The following ST3GAL3 variants were observed in gnomAD, a reference collection of about 807,000 sequenced individuals.
The protein encoded by ST3GAL3 is ST3 beta-galactoside alpha-2,3-sialyltransferase 3, also known as CMP-N-acetylneuraminate-beta-1,4-galactoside alpha-2,3-sialyltransferase.
A neutral mutation model predicts 50.1 loss-of-function variants in ST3GAL3; 21 were observed. The ratio of observed to expected loss-of-function variants is 0.42; its 90% CI spans 0.30 to 0.60. The LOEUF (loss-of-function observed/expected upper bound fraction) is 0.60, where lower values mean the gene tolerates loss of function less well. Ranked by LOEUF, ST3GAL3 falls within the 20% of genes least tolerant of loss-of-function variation. ST3GAL3 has a pLI of 0.19. For synonymous variants in ST3GAL3, 183 were observed against 190.0 expected (o/e 0.96, Z 0.30); for missense variants, 353 against 489.4 (o/e 0.72, Z 2.63).
chr1:43,918,001 CTTAAAA>C (rs2082359322), intron 9 of ST3GAL3, among the ~76,000 whole-genome samples: 1 of 151,066 alleles, frequency 6.6e-6, no homozygotes, highest in South Asian at 2.1e-4. Context: ...TGCCAAAGCA[CTTAAAA>C]ATGTTTATGA....
chr1:43,920,545 C>A lies in ST3GAL3; in HGVS notation c.886C>A (p.Arg296=). Residue 296 remains arginine (R), a synonymous_variant, in exon 10 of 12, where the codon CGG becomes AGG. Coordinates refer to ENST00000347631, the MANE Select transcript of ST3GAL3 (RefSeq NM_006279.5). ...GLPFNNGLMG[R]GNIPTLGSVA... ...GCCCTTCAACAATGGCCTCATGGGC[C>A]GGGGGGTGAGATATCTGGGCCCTGG... 2 of 1,606,600 alleles carry A rather than the reference C, an allele frequency of 1.2e-6. No individual in the cohort carries two copies. The highest frequency in any genetic ancestry group is 1.7e-6 in the Non-Finnish European group (2 of 1,175,478).
chr1:43,817,650 CCTCCTTCTCCTT>C (rs1182284541), intron 4 of ST3GAL3, among the ~76,000 whole-genome samples: 1 of 104,278 alleles, frequency 9.6e-6, no homozygotes, highest in African/African-American at 3.9e-5. Context: ...TTCTCCTCCT[CCTCCTTCTCCTT>C]CTTCTCCTTC....
intron 9 of ST3GAL3, among the ~76,000 whole-genome samples, chr1:43,901,278 A>G (rs2078229222): frequency 6.6e-6 from 1 of 152,212 alleles, no homozygotes; most frequent in Admixed American, 6.5e-5. Flanking sequence ...CCTCAGGGCA[A>G]GAGCTCCTAA....
intron 3 of ST3GAL3, among the ~76,000 whole-genome samples, chr1:43,804,780 C>G (rs2059685574): frequency 6.6e-6 from 1 of 152,110 alleles, no homozygotes; most frequent in Admixed American, 6.5e-5. Context: ...AGGGCCAGAG[C>G]AAGGGAATCA....
At chr1:43,776,390 T>C (rs531985070) in intron 2 of ST3GAL3, among the ~76,000 whole-genome samples, 7 of 152,318 alleles carry the variant, frequency 4.6e-5, no homozygotes, top group African/African-American at 1.7e-4. Flanking sequence ...TTATAACATT[T>C]ATCTCATTTC....
chr1:43,855,818 A>ACACTT (rs112077720), intron 5 of ST3GAL3, among the ~76,000 whole-genome samples: 129,628 of 151,614 alleles, frequency 0.85, 55,641 homozygotes, highest in East Asian at 0.91. Flanking sequence ...ACATTACAGA[A>ACACTT]CATAGGCCAC....
At chr1:43,897,763 G>A (rs1472642510) in intron 6 of ST3GAL3, among the ~76,000 whole-genome samples, 1 of 152,228 alleles carries the variant, frequency 6.6e-6, no homozygotes, top group Non-Finnish European at 1.5e-5. Flanking sequence ...TGAGGCACGT[G>A]GTGAGCTCTT....
intron 5 of ST3GAL3, among the ~76,000 whole-genome samples, chr1:43,881,956 T>C (rs2075220542): frequency 6.6e-6 from 1 of 152,228 alleles, no homozygotes; most frequent in Non-Finnish European, 1.5e-5. Flanking sequence ...GTGGAGGCTG[T>C]CACCCCAAGC....
chr1:43,898,423 T>C (rs1341223727), intron 7 of ST3GAL3, 125 bp downstream of exon 7: 1 of 960,902 alleles, frequency 1.0e-6, no homozygotes, highest in Non-Finnish European at 1.6e-6. Context: ...GCACATACAG[T>C]ACACACACAG....
intron 3 of ST3GAL3, among the ~76,000 whole-genome samples, chr1:43,792,746 C>T (rs994705447): frequency 6.6e-6 from 1 of 152,204 alleles, no homozygotes; most frequent in Non-Finnish European, 1.5e-5. Context: ...CCCAAATTCA[C>T]CCAGACCCAG....
intron 9 of ST3GAL3, chr1:43,912,465 A>C (rs1040535794): frequency 2.0e-5 from 3 of 152,184 alleles, no homozygotes; most frequent in Non-Finnish European, 2.9e-5. Flanking sequence ...GTGGAAAGCC[A>C]CTGAAGATTT....
intron 9 of ST3GAL3, chr1:43,912,291 T>C (rs925811174): frequency 6.6e-6 from 1 of 152,158 alleles, no homozygotes; most frequent in Non-Finnish European, 1.5e-5. Flanking sequence ...AAAAACACTA[T>C]AAAGGAGAGC....
intron 5 of ST3GAL3, among the ~76,000 whole-genome samples, chr1:43,844,632 A>G (rs1011425292): frequency 6.6e-6 from 1 of 152,136 alleles, no homozygotes; most frequent in Non-Finnish European, 1.5e-5. Context: ...TAACACGGTG[A>G]AACCCCGTCT....
chr1:43,795,683 G>T (rs2058608891), intron 3 of ST3GAL3, among the ~76,000 whole-genome samples: 1 of 152,104 alleles, frequency 6.6e-6, no homozygotes, highest in Non-Finnish European at 1.5e-5. Flanking sequence ...TGTTAGTGTA[G>T]GTACTTAAAA....
At chr1:43,907,026 G>A (rs1245356522) in intron 9 of ST3GAL3, among the ~76,000 whole-genome samples, 3 of 152,130 alleles carry the variant, frequency 2.0e-5, no homozygotes, top group Non-Finnish European at 4.4e-5. Flanking sequence ...GCTCCTATCT[G>A]CCATGGTCTG....
At chr1:43,782,853 A>G (rs1699806105) in intron 2 of ST3GAL3, among the ~76,000 whole-genome samples, 1 of 152,230 alleles carries the variant, frequency 6.6e-6, no homozygotes, top group Non-Finnish European at 1.5e-5. Flanking sequence ...TTCGTTTGGC[A>G]GTAAAATCTG....
chr1:43,838,423 G>A lies in ST3GAL3; in HGVS notation c.302+112G>A. 4.8e-6 allele frequency: 5 copies of A among 1,039,176 alleles called. No homozygotes were observed. The Admixed American group carries it at 5.2e-5, about 11-fold the overall frequency. 64.4% of individuals were successfully genotyped at this position (1,039,176 alleles called of 1,614,324 possible). On this transcript the variant is annotated intron_variant, in intron 5 of 11. Coordinates refer to ENST00000347631, the MANE Select transcript of ST3GAL3 (RefSeq NM_006279.5). ...TTCTCCTATGCTCTGGAAACCATGG[G>A]TTCCTGGAAAGGACTCTGCCTTTAA...
chr1:43,809,472 AAGG>A (rs1361102264), intron 3 of ST3GAL3, among the ~76,000 whole-genome samples: 1 of 151,540 alleles, frequency 6.6e-6, no homozygotes, highest in Non-Finnish European at 1.5e-5. Context: ...GAGGCTGAGG[AAGG>A]AGGATAGCTT....
chr1:43,708,473 G>C (rs1406517152), intron 1 of ST3GAL3, among the ~76,000 whole-genome samples: 1 of 152,130 alleles, frequency 6.6e-6, no homozygotes, highest in Non-Finnish European at 1.5e-5. Context: ...ATTATAGATA[G>C]CTGGACATTA....
Sources: allele counts gnomAD v4.1 joint callset (sites outside exome capture counted in the v4.1 genomes callset), GRCh38; gene constraint gnomAD v4.1.1; transcripts MANE v1.5; gene names NCBI Gene and HGNC (gene_info 2026-07-23, HGNC 2026-07-21).